The following ASB7 variants were observed in gnomAD, a reference collection of about 807,000 sequenced individuals.
ASB7 encodes ankyrin repeat and SOCS box containing 7, also known as ankyrin repeat and SOCS box protein 7.
ASB7 carries 4 observed loss-of-function variants against 32.5 expected under a neutral mutation model. That is an observed-to-expected ratio of 0.12 (90% CI 0.06 to 0.28). The LOEUF (loss-of-function observed/expected upper bound fraction) is 0.28. Ranked by LOEUF, ASB7 falls within the 10% of genes least tolerant of loss-of-function variation. The pLI is 1.00. For synonymous variants in ASB7, 172 were observed against 155.6 expected (o/e 1.11, Z -0.78); for missense variants, 181 against 407.1 (o/e 0.44, Z 4.78).
chr15:100,609,115 A>G (rs1027795962), intron 2 of ASB7, among the ~76,000 whole-genome samples: 1 of 152,224 alleles, frequency 6.6e-6, no homozygotes, highest in Non-Finnish European at 1.5e-5. Context: ...CAGAATTCAC[A>G]TGGGGAACCT....
chr15:100,606,798 T>C (rs1451835238), intron 2 of ASB7, among the ~76,000 whole-genome samples: 1 of 152,156 alleles, frequency 6.6e-6, no homozygotes, highest in Non-Finnish European at 1.5e-5. Flanking sequence ...CTGAAGATCA[T>C]ACCCTCAGAG....
intron 2 of ASB7, among the ~76,000 whole-genome samples, chr15:100,605,025 A>T (rs533403761): frequency 6.6e-6 from 1 of 152,222 alleles, no homozygotes; most frequent in Non-Finnish European, 1.5e-5. Context: ...GGTAAAGGGA[A>T]GGAGTCTGTG....
chr15:100,630,338 A>C (rs2039874542), intron 5 of ASB7: 2 of 405,126 alleles, frequency 4.9e-6, no homozygotes, highest in Non-Finnish European at 7.5e-6. Flanking sequence ...TCTGTGTTAG[A>C]ACAAGGCAAT....
intron 5 of ASB7, among the ~76,000 whole-genome samples, chr15:100,633,618 A>G (rs1353092596): frequency 2.0e-5 from 3 of 146,596 alleles, no homozygotes; most frequent in Admixed American, 1.3e-4. Context: ...GGGGAAAGGG[A>G]AAGAAAGGAA....
chr15:100,637,677 A>G (rs532694941), intron 5 of ASB7, among the ~76,000 whole-genome samples: 1 of 152,370 alleles, frequency 6.6e-6, no homozygotes, highest in Admixed American at 6.5e-5. Context: ...AACCATTAAG[A>G]AACACCCACT....
intron 5 of ASB7, among the ~76,000 whole-genome samples, chr15:100,634,355 G>A (rs1299258855): frequency 6.6e-6 from 1 of 152,216 alleles, no homozygotes; most frequent in Non-Finnish European, 1.5e-5. Flanking sequence ...TTAATGATCG[G>A]CACAACTGCA....
chr15:100,637,951 A>G (rs933860808), intron 5 of ASB7, among the ~76,000 whole-genome samples: 10 of 146,772 alleles, frequency 6.8e-5, no homozygotes, highest in Non-Finnish European at 1.5e-4. Flanking sequence ...TTTGGAAAGC[A>G]GCTCTTTTTT....
At chr15:100,614,900 A>T (rs908403864) in intron 4 of ASB7, among the ~76,000 whole-genome samples, 2 of 152,188 alleles carry the variant, frequency 1.3e-5, no homozygotes, top group African/African-American at 4.8e-5. Context: ...TTCTCTCTGT[A>T]TATATGTATG....
chr15:100,603,722 C>G (rs539935951), intron 2 of ASB7, among the ~76,000 whole-genome samples: 1 of 152,116 alleles, frequency 6.6e-6, no homozygotes, highest in African/African-American at 2.4e-5. Flanking sequence ...CTGTTTTCCC[C>G]CTTACTCTTT....
chr15:100,617,448 T>C (rs2039753314), intron 4 of ASB7, among the ~76,000 whole-genome samples: 1 of 152,194 alleles, frequency 6.6e-6, no homozygotes, highest in East Asian at 1.9e-4. Flanking sequence ...TGGGACCCTC[T>C]TGGGTCACGC....
chr15:100,615,051 C>T (rs2039730500), intron 4 of ASB7, among the ~76,000 whole-genome samples: 3 of 152,134 alleles, frequency 2.0e-5, no homozygotes, highest in African/African-American at 4.8e-5. Flanking sequence ...TTACAGTTGC[C>T]TCCAGTATTC....
At chr15:100,612,730 C>A (rs933698182) in intron 4 of ASB7, among the ~76,000 whole-genome samples, 1 of 152,206 alleles carries the variant, frequency 6.6e-6, no homozygotes, top group African/African-American at 2.4e-5. Flanking sequence ...GTTTCAGAAG[C>A]AGAAGTGGCT....
In ASB7 at chr15:100,629,356, G is replaced by A; in HGVS notation, c.212-81G>A. ...TGCTTCACATTTTATATGAGAATTG[G>A]CCACAGTTTGCTGTGCCATGGTAAT... On this transcript the variant is annotated intron_variant, in intron 4 of 5. Transcript: ENST00000332783. The surrounding 1 kb of genome is among the most constrained non-coding windows in gnomAD (Gnocchi z 6.8). 7.9e-7 allele frequency: 1 copy of A among 1,271,058 alleles called. No individual in the cohort carries two copies. The highest frequency in any genetic ancestry group is 2.3e-5 in the East Asian group (1 of 42,816). 78.7% of individuals were successfully genotyped at this position (1,271,058 alleles called of 1,614,324 possible).
In ASB7 at chr15:100,642,338, G is replaced by T. The variant is rs2039967269; in HGVS notation, c.818-5985G>T. Among the ~76,000 whole-genome samples the T allele has an allele frequency of 2.0e-5, 3 of 152,170 alleles. No homozygotes were observed. In the South Asian group the frequency reaches 6.2e-4, roughly 31 times the overall value. Reference sequence around the variant, plus strand: ...GAAGAAAAGCCAGTGATACTTAACGGTATTCTGCCTGAGGAATCTACTTAA... The same window carrying T: ...GAAGAAAAGCCAGTGATACTTAACGTTATTCTGCCTGAGGAATCTACTTAA... On this transcript the variant is annotated intron_variant, in intron 5 of 5. Transcript: ENST00000332783.
At chr15:100,613,867 T>TAAC (rs1159823065) in intron 4 of ASB7, among the ~76,000 whole-genome samples, 1 of 152,242 alleles carries the variant, frequency 6.6e-6, no homozygotes, top group African/African-American at 2.4e-5. Context: ...CCCCTTTGAC[T>TAAC]AACCCCTAAT....
In ASB7 at chr15:100,642,955, G is replaced by A. The variant is rs576123409; in HGVS notation, c.818-5368G>A. ...GGAGGCTGAGGCAGGAGAATCGCTT[G>A]AACCCTGGAGGTGGAGGTTGCAGTG... is the stretch of plus-strand genomic sequence containing the variant. On this transcript the variant is annotated intron_variant, in intron 5 of 5. Coordinates refer to ENST00000332783, the MANE Select transcript of ASB7 (RefSeq NM_198243.3). Among the ~76,000 whole-genome samples, 4 of 152,364 alleles carry A rather than the reference G, an allele frequency of 2.6e-5. No homozygotes were observed. The South Asian group carries it at 8.3e-4, about 32-fold the overall frequency.
At chr15:100,631,876 G>A (rs536847873) in intron 5 of ASB7, among the ~76,000 whole-genome samples, 1 of 152,286 alleles carries the variant, frequency 6.6e-6, no homozygotes, top group South Asian at 2.1e-4. Context: ...TAAAGTGAGG[G>A]GGGATTAACA....
intron 5 of ASB7, 131 bp from the exon 6 acceptor site, chr15:100,648,192 G>T: frequency 1.1e-6 from 1 of 949,188 alleles, no homozygotes; most frequent in Non-Finnish European, 1.5e-6. Flanking sequence ...ACTTTGAGTT[G>T]GTATCTTTCC....
intron 5 of ASB7, among the ~76,000 whole-genome samples, chr15:100,636,016 A>C (rs979612042): frequency 6.6e-6 from 1 of 152,120 alleles, no homozygotes; most frequent in Non-Finnish European, 1.5e-5. Flanking sequence ...GGTTCCTGGG[A>C]GTAAAACTCA....
Sources: gnomAD v4.1 joint callset for allele counts (sites outside exome capture counted in the v4.1 genomes callset) on GRCh38, gnomAD v4.1.1 for gene constraint, Gnocchi (gnomAD v3.1) non-coding constraint, MANE v1.5 for transcripts, NCBI Gene and HGNC (gene_info 2026-07-23, HGNC 2026-07-21) for gene names.